Variants in SPAST observed in about 807,000 individuals in gnomAD.
SPAST encodes the protein spastic paraplegia 4 (autosomal dominant; spastin).
Under a neutral mutation model 76.6 loss-of-function variants are expected in SPAST, and 30 were observed. The ratio of observed to expected loss-of-function variants is 0.39; its 90% CI spans 0.29 to 0.53. SPAST has a LOEUF of 0.53. Among genes scored for constraint, SPAST ranks in the 20% least tolerant of loss-of-function variants. The pLI is 0.68. For synonymous variants in SPAST, 305 were observed against 281.0 expected (o/e 1.09, Z -0.86); for missense variants, 717 against 770.5 (o/e 0.93, Z 0.82).
At chr2:32,123,861 A>T (rs1396532516) in intron 7 of SPAST, among the ~76,000 whole-genome samples, 1 of 152,228 alleles carries the variant, frequency 6.6e-6, no homozygotes, top group African/African-American at 2.4e-5. Context: ...CAACTTTCAC[A>T]AAAATAAATG....
intron 7 of SPAST, among the ~76,000 whole-genome samples, chr2:32,118,493 C>T (rs199700058): frequency 3.3e-5 from 5 of 152,116 alleles, no homozygotes; most frequent in South Asian, 4.2e-4. Flanking sequence ...CTTTGGGAAA[C>T]GTAGCTTACG....
At chr2:32,078,077 G>C (rs1001224686) in intron 1 of SPAST, 1 of 151,534 alleles carries the variant, frequency 6.6e-6, no homozygotes, top group African/African-American at 2.4e-5. Context: ...TGCAAGCTCC[G>C]CCTCCCGGGT....
At chr2:32,146,308 C>T (rs1679883726) in intron 15 of SPAST, among the ~76,000 whole-genome samples, 1 of 152,164 alleles carries the variant, frequency 6.6e-6, no homozygotes, top group African/African-American at 2.4e-5. Context: ...CCTATAATCC[C>T]AGCACTTTGG....
chr2:32,102,128 G>T (rs1033098436), intron 4 of SPAST, among the ~76,000 whole-genome samples: 1 of 152,128 alleles, frequency 6.6e-6, no homozygotes, highest in African/African-American at 2.4e-5. Context: ...TCTTCCATTT[G>T]TCTGTGTCCT....
intron 7 of SPAST, chr2:32,126,645 AT>A (rs1194975479): frequency 0.048 from 9,067 of 189,192 alleles, 1 homozygote; most frequent in South Asian, 0.11. Flanking sequence ...CACCCAGCTA[AT>A]TTTTTTTTTT....
At chr2:32,083,750 C>T (rs1284703344) in intron 1 of SPAST, among the ~76,000 whole-genome samples, 7 of 62,846 alleles carry the variant, frequency 1.1e-4, no homozygotes, top group East Asian at 8.3e-4. Flanking sequence ...TTTATATATA[C>T]TATATATATA....
rs941856639 is a variant in SPAST at position 32,155,356 on chromosome 2, AG to A, written c.*861del. 7 of 152,598 alleles carry A rather than the reference AG, an allele frequency of 4.6e-5. No individual in the cohort carries two copies. The highest frequency in any genetic ancestry group is 1.7e-4 in the African/African-American group (7 of 41,442). 9.5% of individuals were successfully genotyped at this position (152,598 alleles called of 1,614,324 possible). A position where few individuals can be genotyped will look rare whatever the true frequency, so the allele number is the denominator to read the frequency against. ...TCTGCAAGAATTATTCTGATATTTA[AG>A]AGAGCCAATTTTAACTGCTGTGAAA... On this transcript the variant is annotated 3_prime_UTR_variant, in exon 17 of 17. Coordinates refer to ENST00000315285, the MANE Select transcript of SPAST (RefSeq NM_014946.4).
At chr2:32,122,357 T>A (rs1292551501) in intron 7 of SPAST, among the ~76,000 whole-genome samples, 1 of 152,180 alleles carries the variant, frequency 6.6e-6, no homozygotes, top group Non-Finnish European at 1.5e-5. Flanking sequence ...AGTCTCACTC[T>A]GTTGCCCAGG....
At chr2:32,144,640 C>G (rs1477831203) in intron 14 of SPAST, among the ~76,000 whole-genome samples, 1 of 152,080 alleles carries the variant, frequency 6.6e-6, no homozygotes, top group Non-Finnish European at 1.5e-5. Context: ...AATCTCACTA[C>G]TTTGGGAGGC....
At chr2:32,112,714 T>G (rs1217819666) in intron 4 of SPAST, among the ~76,000 whole-genome samples, 1 of 152,182 alleles carries the variant, frequency 6.6e-6, no homozygotes, top group Non-Finnish European at 1.5e-5. Flanking sequence ...AATAGTTAAC[T>G]TGTAGTAAAA....
intron 1 of SPAST, among the ~76,000 whole-genome samples, chr2:32,067,253 G>A (rs540613025): frequency 5.1e-4 from 78 of 152,140 alleles, no homozygotes; most frequent in Admixed American, 2.1e-3. Flanking sequence ...GTAGAGATGG[G>A]GTTCCACCAT....
At chr2:32,147,840 C>G (rs1335619878) in intron 16 of SPAST, among the ~76,000 whole-genome samples, 1 of 150,886 alleles carries the variant, frequency 6.6e-6, no homozygotes, top group Non-Finnish European at 1.5e-5. Flanking sequence ...ACCGTGTTAG[C>G]CAGGATGGTC....
intron 2 of SPAST, among the ~76,000 whole-genome samples, 195 bp downstream of exon 2, chr2:32,087,773 G>A (rs1476891313): frequency 1.4e-5 from 2 of 138,360 alleles, no homozygotes; most frequent in African/African-American, 5.4e-5. Flanking sequence ...ATAGCTCACT[G>A]CAACCTCAAA....
chr2:32,155,014 A>G lies in SPAST; in HGVS notation c.*518A>G, dbSNP rs1680207604. On this transcript the variant is annotated 3_prime_UTR_variant, in exon 17 of 17. Coordinates refer to ENST00000315285, the MANE Select transcript of SPAST (RefSeq NM_014946.4). ...TCGTTTTATAAATTCAGTGTGCCAA[A>G]TGAAACTTTTTTCCTAAGTAACTGT... 6.5e-6 allele frequency: 1 copy of G among 153,668 alleles called. No homozygotes were observed. The highest frequency in any genetic ancestry group is 2.0e-4 in the South Asian group (1 of 4,908). 9.5% of individuals were successfully genotyped at this position (153,668 alleles called of 1,614,324 possible).
chr2:32,096,752 G>A lies in SPAST; in HGVS notation c.587-2044G>A, dbSNP rs140189117. Among the ~76,000 whole-genome samples, 5 of 151,904 alleles carry A rather than the reference G, an allele frequency of 3.3e-5. No homozygotes were observed. In the South Asian group the frequency reaches 6.2e-4, roughly 19 times the overall value. On this transcript the variant is annotated intron_variant, in intron 3 of 16. Transcript: ENST00000315285. The stretch of plus-strand genomic sequence containing the variant: ...GGAGTATTAATTCACATTTATGTAC[G>A]GATGTCTACATTTACAAATCAGTGT...
intron 14 of SPAST, 45 bp from the exon 15 acceptor site, chr2:32,144,892 A>AG: frequency 7.2e-7 from 1 of 1,392,306 alleles, no homozygotes; most frequent in Non-Finnish European, 1.0e-6. Context: ...CTCAAAAAAA[A>AG]GCGGGAGGGG....
chr2:32,118,312 AT>A (rs1477302677), intron 7 of SPAST, among the ~76,000 whole-genome samples: 2 of 152,100 alleles, frequency 1.3e-5, no homozygotes, highest in Non-Finnish European at 2.9e-5. Flanking sequence ...CTTACTGAAT[AT>A]TTTTCAAGTC....
chr2:32,098,613 C>T lies in SPAST; in HGVS notation c.587-183C>T, dbSNP rs959037196. 5.3e-5 allele frequency among the ~76,000 whole-genome samples: 8 copies of T among 152,146 alleles called. No individual in the cohort carries two copies. In the East Asian group the frequency reaches 9.6e-4, roughly 18 times the overall value. On this transcript the variant is annotated intron_variant, in intron 3 of 16. Coordinates refer to ENST00000315285, the MANE Select transcript of SPAST (RefSeq NM_014946.4). ...TTCACTTGTTAATTTCTGTTATTTT[C>T]GTGACTTCATTTTTACTAATTATAT...
At chr2:32,067,757 TC>T (rs1264259402) in intron 1 of SPAST, among the ~76,000 whole-genome samples, 1 of 108,142 alleles carries the variant, frequency 9.2e-6, no homozygotes, top group Admixed American at 9.4e-5. Flanking sequence ...TAAGTGATCC[TC>T]TTTTTTTTTT....
Sources: gnomAD v4.1 joint callset for allele counts (sites outside exome capture counted in the v4.1 genomes callset) on GRCh38, gnomAD v4.1.1 for gene constraint, MANE v1.5 for transcripts, NCBI Gene and HGNC (gene_info 2026-07-23, HGNC 2026-07-21) for gene names.